Variants in ST6GALNAC3 observed in about 807,000 individuals in gnomAD.
ST6GALNAC3 encodes ST6 N-acetylgalactosaminide alpha-2,6-sialyltransferase 3.
A neutral mutation model predicts 32.7 loss-of-function variants in ST6GALNAC3; 25 were observed. That is an observed-to-expected ratio of 0.76 (90% CI 0.56 to 1.07). The LOEUF is 1.07. ST6GALNAC3 is among the 50% of genes least tolerant of loss of function. The pLI, the probability that ST6GALNAC3 is intolerant of heterozygous loss-of-function variation, is 0.00. For synonymous variants in ST6GALNAC3, 129 were observed against 133.1 expected, an observed-to-expected ratio of 0.97 and a Z score of 0.21; for missense variants, 355 against 382.4, an observed-to-expected ratio of 0.93 and a Z score of 0.60.
intron 1 of ST6GALNAC3, among the ~76,000 whole-genome samples, chr1:76,178,912 T>C (rs1251758386): frequency 6.6e-6 from 1 of 152,222 alleles, no homozygotes; most frequent in Admixed American, 6.5e-5. Flanking sequence ...TGTCTACTAC[T>C]GTCACTGTCA....
At chr1:76,337,594 G>T (rs1354744982) in intron 2 of ST6GALNAC3, among the ~76,000 whole-genome samples, 2 of 152,102 alleles carry the variant, frequency 1.3e-5, no homozygotes, top group African/African-American at 4.8e-5. Flanking sequence ...TTGTGGCCTG[G>T]GGGTCACGAT....
chr1:76,468,906 A>T (rs1385185467), intron 3 of ST6GALNAC3, among the ~76,000 whole-genome samples: 1 of 151,968 alleles, frequency 6.6e-6, no homozygotes, highest in Non-Finnish European at 1.5e-5. Context: ...GGGAAAGAGA[A>T]AAATACTCTG....
chr1:76,119,249 A>G (rs974131630), intron 1 of ST6GALNAC3, among the ~76,000 whole-genome samples: 1 of 152,246 alleles, frequency 6.6e-6, no homozygotes, highest in Non-Finnish European at 1.5e-5. Context: ...GCTATTCTAA[A>G]CACTGGATAC....
intron 1 of ST6GALNAC3, among the ~76,000 whole-genome samples, chr1:76,151,274 G>A (rs1417066952): frequency 6.6e-6 from 1 of 152,176 alleles, no homozygotes; most frequent in Admixed American, 6.5e-5. Context: ...CAAACAGGGG[G>A]GCAAGGGGTG....
At chr1:76,589,461 G>A (rs1647013875) in intron 3 of ST6GALNAC3, among the ~76,000 whole-genome samples, 1 of 151,906 alleles carries the variant, frequency 6.6e-6, no homozygotes, top group Non-Finnish European at 1.5e-5. Context: ...GCCCTGACCA[G>A]CTTTCCACAA....
intron 3 of ST6GALNAC3, among the ~76,000 whole-genome samples, chr1:76,448,904 C>A (rs1326328086): frequency 1.3e-5 from 2 of 152,226 alleles, no homozygotes; most frequent in East Asian, 3.9e-4. Context: ...GTGGTGCAAT[C>A]TCAGCACCAA....
intron 1 of ST6GALNAC3, among the ~76,000 whole-genome samples, chr1:76,216,253 A>G (rs1289137864): frequency 6.6e-6 from 1 of 151,932 alleles, no homozygotes; most frequent in Non-Finnish European, 1.5e-5. Context: ...CTCTATCCCC[A>G]TCTCTCTTAC....
intron 1 of ST6GALNAC3, among the ~76,000 whole-genome samples, chr1:76,208,946 C>T (rs953098030): frequency 2.0e-5 from 3 of 152,146 alleles, no homozygotes; most frequent in African/African-American, 7.2e-5. Flanking sequence ...GTCCCAGTTA[C>T]CAGTTTATTT....
At chr1:76,379,590 C>A (rs1433980484) in intron 2 of ST6GALNAC3, among the ~76,000 whole-genome samples, 1 of 152,082 alleles carries the variant, frequency 6.6e-6, no homozygotes, top group African/African-American at 2.4e-5. Context: ...GAGAACTGAG[C>A]CTGCACTGGA....
rs573297639 is a variant in ST6GALNAC3, at chr1:76,402,928, T to C, written c.214-9080T>C. ...TTAAATTATTGAGTCTTATCTTCCATGTATTCTCACTCCATCAGTGGTCCT... is the reference window on the plus strand; with the variant it reads ...TTAAATTATTGAGTCTTATCTTCCACGTATTCTCACTCCATCAGTGGTCCT... On this transcript the variant is annotated intron_variant, in intron 2 of 4. Transcript: ENST00000328299. Among the ~76,000 whole-genome samples the C allele has an allele frequency of 2.3e-4, 35 of 152,226 alleles. No homozygotes were observed. In the South Asian group the frequency reaches 7.0e-3, roughly 31 times the overall value.
chr1:76,183,306 T>C (rs1467844898), intron 1 of ST6GALNAC3, among the ~76,000 whole-genome samples: 1 of 152,160 alleles, frequency 6.6e-6, no homozygotes, highest in Non-Finnish European at 1.5e-5. Context: ...GTTAAGCAAA[T>C]GGTCTACACC....
intron 3 of ST6GALNAC3, among the ~76,000 whole-genome samples, chr1:76,426,034 G>A (rs1423533465): frequency 6.6e-6 from 1 of 151,678 alleles, no homozygotes; most frequent in East Asian, 1.9e-4. Flanking sequence ...TATAACTCAG[G>A]ATTTCTGGAG....
At chr1:76,540,446 C>T (rs1416235008) in intron 3 of ST6GALNAC3, among the ~76,000 whole-genome samples, 2 of 152,092 alleles carry the variant, frequency 1.3e-5, no homozygotes, top group Non-Finnish European at 2.9e-5. Flanking sequence ...AACAAGGCTG[C>T]ATCTTCTGCA....
Position 76,634,232 on chromosome 1 carries a change from G to A in ST6GALNAC3, c.*5426G>A. ...TGATGAATAAACAGTCAACTACCAAGTTCACATATTTGCCTATGAAGTGAG... is the reference window on the plus strand; with the variant it reads ...TGATGAATAAACAGTCAACTACCAAATTCACATATTTGCCTATGAAGTGAG... On this transcript the variant is annotated 3_prime_UTR_variant, in exon 5 of 5. Transcript: ENST00000328299. 4.4e-6 allele frequency: 4 copies of A among 901,586 alleles called. No individual in the cohort carries two copies. Among genetic ancestry groups the A allele is most frequent in the Non-Finnish European group, 4.0e-6 (3 of 753,664 alleles). The allele number at this position is 901,586 out of a possible 1,614,324, so 55.8% of individuals were successfully genotyped here.
chr1:76,417,174 C>T (rs981306987), intron 3 of ST6GALNAC3, among the ~76,000 whole-genome samples: 1 of 150,170 alleles, frequency 6.7e-6, no homozygotes, highest in Non-Finnish European at 1.5e-5. Context: ...AGGTTGCTTT[C>T]CCTTTCTGTC....
chr1:76,532,291 A>T (rs2101824238), intron 3 of ST6GALNAC3, among the ~76,000 whole-genome samples: 2 of 152,324 alleles, frequency 1.3e-5, no homozygotes, highest in South Asian at 4.1e-4. Flanking sequence ...GAAAGTAGCC[A>T]AACAAATCAC....
In ST6GALNAC3 at chr1:76,630,125, G is replaced by A. The variant is rs779807964; in HGVS notation, c.*1319G>A. 7.1e-6 allele frequency: 7 copies of A among 985,074 alleles called. No homozygotes were observed. The highest frequency in any genetic ancestry group is 7.2e-6 in the Non-Finnish European group (6 of 829,806). The allele number at this position is 985,074 out of a possible 1,614,324, so 61.0% of individuals were successfully genotyped here. A position where few individuals can be genotyped will look rare whatever the true frequency, so the allele number is the denominator to read the frequency against. Reference sequence around the variant, plus strand: ...TCTTTAGCAGATGATCTGTAATTTGGTCATTGTTCTGTTATATTCCAGATT... The same window carrying A: ...TCTTTAGCAGATGATCTGTAATTTGATCATTGTTCTGTTATATTCCAGATT... On this transcript the variant is annotated 3_prime_UTR_variant, in exon 5 of 5. Coordinates refer to ENST00000328299, the MANE Select transcript of ST6GALNAC3 (RefSeq NM_152996.4).
At chr1:76,398,911 A>C (rs1009284323) in intron 2 of ST6GALNAC3, among the ~76,000 whole-genome samples, 3 of 152,122 alleles carry the variant, frequency 2.0e-5, no homozygotes, top group African/African-American at 7.2e-5. Context: ...ATAACTCTTA[A>C]TTTCAGGTAA....
At chr1:76,341,682 CTTCTTTCT>C (rs1281081058) in intron 2 of ST6GALNAC3, among the ~76,000 whole-genome samples, 3 of 35,990 alleles carry the variant, frequency 8.3e-5, no homozygotes, top group African/African-American at 2.9e-4. Flanking sequence ...TCTTTCTTTC[CTTCTTTCT>C]TTCTTTCTTT....
Sources: allele counts gnomAD v4.1 joint callset (sites outside exome capture counted in the v4.1 genomes callset), GRCh38; gene constraint gnomAD v4.1.1; transcripts MANE v1.5; gene names NCBI Gene and HGNC (gene_info 2026-07-23, HGNC 2026-07-21).